The following ABCA5 variants were observed in gnomAD, a reference collection of about 807,000 sequenced individuals.
ABCA5 encodes ATP binding cassette subfamily A member 5.
ABCA5 carries 163 observed loss-of-function variants against 206.0 expected under a neutral mutation model. That is an observed-to-expected ratio of 0.79 (90% confidence interval 0.70 to 0.90). The LOEUF (loss-of-function observed/expected upper bound fraction) is 0.90, where lower values mean the gene tolerates loss of function less well. Among genes scored for constraint, ABCA5 ranks in the 40% least tolerant of loss-of-function variants. ABCA5 has a pLI of 0.00. For synonymous variants in ABCA5, 609 were observed against 613.8 expected (o/e 0.99, Z 0.11); for missense variants, 1,859 against 1,912.9 (o/e 0.97, Z 0.53).
At chr17:69,318,712 T>A in intron 1 of ABCA5, 1 of 552,254 alleles carries the variant, frequency 1.8e-6, no homozygotes, top group Admixed American at 2.5e-5. Context: ...AAGGCATCTG[T>A]GAACCTGTGG....
At chr17:69,304,851 G>A in intron 6 of ABCA5, 41 bp from the exon 7 acceptor site, 2 of 1,432,502 alleles carry the variant, frequency 1.4e-6, no homozygotes, top group South Asian at 3.2e-5. Flanking sequence ...CAAATGCATA[G>A]GCTTAACCAG....
chr17:69,277,699 T>C lies in ABCA5; in HGVS notation c.2536A>G (p.Thr846Ala). ...GTAAAGAAATGAAACTTTGCTATTGTATACATCTGTTGTTTCCAAAGGCTC... is the reference window on the plus strand; with the variant it reads ...GTAAAGAAATGAAACTTTGCTATTGCATACATCTGTTGTTTCCAAAGGCTC... Reference protein sequence around the residue: ...TMSLWKQQMYTIAKFHFFTLK... With the variant: ...TMSLWKQQMYAIAKFHFFTLK... Residue 846 changes from threonine (T) to alanine (A), a missense_variant, in exon 19 of 39, where the codon ACA becomes GCA. Thr to Ala is a moderately conservative substitution (Grantham distance 58). Transcript: ENST00000392676. The C allele has an allele frequency of 6.2e-7, 1 of 1,611,668 alleles. No homozygotes were observed. Among genetic ancestry groups the C allele is most frequent in the Non-Finnish European group, 8.5e-7 (1 of 1,179,338 alleles).
Position 69,309,302 on chromosome 17 carries a change from AG to A in ABCA5, c.428del (p.Pro143LeufsTer3), listed in dbSNP as rs772631611. ...DSMSYELRFF[P>X]DMIPVSSIYM... ...AAATAGAAGATACTGGAATCATATC[AG>A]GAAAAAAACGAAGTTCATAGGACAT... On this transcript the variant is annotated frameshift_variant, in exon 4 of 39. Transcript: ENST00000392676. LOFTEE classifies it high-confidence loss of function. 2 of 1,598,620 alleles carry A rather than the reference AG, an allele frequency of 1.3e-6. No individual in the cohort carries two copies. The highest frequency in any genetic ancestry group is 2.3e-5 in the East Asian group (1 of 44,302).
At chr17:69,267,578 C>T (rs2075225112) in intron 23 of ABCA5, among the ~76,000 whole-genome samples, 1 of 152,014 alleles carries the variant, frequency 6.6e-6, no homozygotes, top group East Asian at 1.9e-4. Flanking sequence ...TGTTAGTTTG[C>T]CAGTTAAGAA....
intron 1 of ABCA5, among the ~76,000 whole-genome samples, chr17:69,324,378 T>C (rs1598215121): frequency 6.6e-6 from 1 of 152,180 alleles, no homozygotes; most frequent in Non-Finnish European, 1.5e-5. Context: ...ATACCTGCCA[T>C]ATGGCAGAGG....
intron 23 of ABCA5, among the ~76,000 whole-genome samples, chr17:69,267,166 C>T (rs542478538): frequency 1.8e-4 from 28 of 152,224 alleles, no homozygotes; most frequent in African/African-American, 6.7e-4. Flanking sequence ...TGGTCCACCA[C>T]GCCTGGCCTA....
At chr17:69,316,763 G>T (rs2075820607) in intron 1 of ABCA5, 1 of 152,154 alleles carries the variant, frequency 6.6e-6, no homozygotes, top group African/African-American at 2.4e-5. Context: ...AAAAAATCTT[G>T]AAAGCAGTCA....
chr17:69,320,030 C>G (rs2075849850), intron 1 of ABCA5, among the ~76,000 whole-genome samples: 1 of 152,110 alleles, frequency 6.6e-6, no homozygotes, highest in South Asian at 2.1e-4. Flanking sequence ...AATAGTAGTA[C>G]CTACCTCTTT....
chr17:69,294,155 C>G (rs1422056113), intron 11 of ABCA5, among the ~76,000 whole-genome samples: 1 of 152,116 alleles, frequency 6.6e-6, no homozygotes, highest in Non-Finnish European at 1.5e-5. Context: ...ATAGATACTA[C>G]ATTTTACTTT....
intron 24 of ABCA5, 149 bp from the exon 25 acceptor site, chr17:69,261,897 G>A: frequency 2.5e-6 from 1 of 392,772 alleles, no homozygotes; most frequent in Non-Finnish European, 4.6e-6. Context: ...TTTGTACCAA[G>A]TAAAATACTA....
intron 3 of ABCA5, among the ~76,000 whole-genome samples, chr17:69,311,365 C>T (rs2075767078): frequency 6.6e-6 from 1 of 151,832 alleles, no homozygotes; most frequent in African/African-American, 2.4e-5. Context: ...TATGCATAAC[C>T]CATTTTCAGA....
rs771967895 is a variant in ABCA5, at chr17:69,286,181, GA to G, written c.2132+39del. 1.9e-6 allele frequency: 3 copies of G among 1,567,888 alleles called. No individual in the cohort carries two copies. In the African/African-American group the frequency reaches 4.1e-5, roughly 21 times the overall value. ...CTCCAACATAATAACAGTATAGCAA[GA>G]GTATAATATAGAATAATGTCAATAA... On this transcript the variant is annotated intron_variant, in intron 16 of 38. Coordinates refer to ENST00000392676, the MANE Select transcript of ABCA5 (RefSeq NM_172232.4).
At chr17:69,248,973 C>T (rs374283067) in intron 37 of ABCA5, 4 of 152,360 alleles carry the variant, frequency 2.6e-5, no homozygotes, top group African/African-American at 2.4e-5. Context: ...GGGATCCTCC[C>T]GCCTCAGCCT....
intron 30 of ABCA5, 29 bp downstream of exon 30, chr17:69,255,704 A>G (rs770420463): frequency 5.7e-6 from 9 of 1,578,004 alleles, no homozygotes; most frequent in Non-Finnish European, 7.7e-6. Flanking sequence ...CTTCTAGAAA[A>G]GTTATGTAAG....
Position 69,294,625 on chromosome 17 carries a change from T to G in ABCA5, c.1495+30A>C. On this transcript the variant is annotated intron_variant, in intron 11 of 38. Coordinates refer to ENST00000392676, the MANE Select transcript of ABCA5 (RefSeq NM_172232.4). ...ATTTTTCTAGTTGTACTTTAAATACTATGGCCTGAATACTAGGAAAACTAC... is the reference window on the plus strand; with the variant it reads ...ATTTTTCTAGTTGTACTTTAAATACGATGGCCTGAATACTAGGAAAACTAC... The G allele has an allele frequency of 4.5e-6, 7 of 1,555,710 alleles. No individual in the cohort carries two copies. The South Asian group carries it at 8.0e-5, about 18-fold the overall frequency.
Position 69,286,225 on chromosome 17 carries a change from G to A in ABCA5, c.2128C>T (p.Leu710=). The A allele has an allele frequency of 1.9e-6, 3 of 1,602,482 alleles. No individual in the cohort carries two copies. The highest frequency in any genetic ancestry group is 2.5e-6 in the Non-Finnish European group (3 of 1,176,568). ...LKSKWGIGYR[L]SMYIDKYCAT... is the part of the protein sequence containing the mutation. ...GTCAATAAAAATGAATGATACCTCA[G>A]GCGGTAGCCGATCCCCCATTTACTT... The change falls in exon 16 of 39, where the codon CTG becomes TTG. Residue 710 remains leucine (L), a synonymous_variant. Coordinates refer to ENST00000392676, the MANE Select transcript of ABCA5 (RefSeq NM_172232.4).
intron 13 of ABCA5, 67 bp from the exon 14 acceptor site, chr17:69,289,363 C>T: frequency 8.3e-7 from 1 of 1,212,022 alleles, no homozygotes; most frequent in East Asian, 3.0e-5. Context: ...ATCAATATTA[C>T]TTTTTAAATA....
At chr17:69,305,468 T>A (rs1042044658) in intron 6 of ABCA5, among the ~76,000 whole-genome samples, 2 of 152,172 alleles carry the variant, frequency 1.3e-5, no homozygotes, top group Non-Finnish European at 2.9e-5. Flanking sequence ...CAAAATTGAA[T>A]CCATCATTTT....
intron 19 of ABCA5, among the ~76,000 whole-genome samples, chr17:69,276,506 T>C (rs1598169179): frequency 6.6e-6 from 1 of 152,102 alleles, no homozygotes; most frequent in South Asian, 2.1e-4. Flanking sequence ...CCTTTGAAGG[T>C]ACATGGATGA....
Sources: gnomAD v4.1 joint callset for allele counts (sites outside exome capture counted in the v4.1 genomes callset) on GRCh38, gnomAD v4.1.1 for gene constraint, MANE v1.5 for transcripts, NCBI Gene and HGNC (gene_info 2026-07-23, HGNC 2026-07-21) for gene names.